Variants in PDE4D observed in about 807,000 individuals in gnomAD.
PDE4D encodes the protein phosphodiesterase 4D.
PDE4D carries 24 observed loss-of-function variants against 87.4 expected under a neutral mutation model. That is an observed-to-expected ratio of 0.27 (90% CI 0.20 to 0.39). The LOEUF is 0.39. Among genes scored for constraint, PDE4D ranks in the 10% least tolerant of loss-of-function variants. The probability of loss-of-function intolerance (pLI) is 1.00; values close to 1 mark genes in which losing one functional copy is unlikely to be tolerated. For synonymous variants in PDE4D, 384 were observed against 383.2 expected, an observed-to-expected ratio of 1.00 and a Z score of -0.02; for missense variants, 714 against 1,041.0, an observed-to-expected ratio of 0.69 and a Z score of 4.32.
At chr5:59,265,847 C>A (rs1183131749) in intron 1 of PDE4D, among the ~76,000 whole-genome samples, 1 of 151,914 alleles carries the variant, frequency 6.6e-6, no homozygotes, top group East Asian at 1.9e-4. Context: ...CAGCACAGTG[C>A]CTGGCACATA....
intron 1 of PDE4D, among the ~76,000 whole-genome samples, chr5:59,489,795 A>G (rs1805854555): frequency 6.6e-6 from 1 of 152,202 alleles, no homozygotes; most frequent in Admixed American, 6.5e-5. Context: ...GGGAGACTTG[A>G]CAATATCATG....
chr5:59,792,129 GAGT>G (rs1765864627), intron 1 of PDE4D, among the ~76,000 whole-genome samples: 1 of 152,140 alleles, frequency 6.6e-6, no homozygotes, highest in Non-Finnish European at 1.5e-5. Flanking sequence ...ATAAATCCAT[GAGT>G]AGTAAGGGTA....
intron 2 of PDE4D, among the ~76,000 whole-genome samples, chr5:60,048,879 A>C (rs909990271): frequency 6.6e-6 from 1 of 152,020 alleles, no homozygotes; most frequent in African/African-American, 2.4e-5. Flanking sequence ...TCTTTTTGGC[A>C]TTCTCTGTAT....
At chr5:58,999,164 A>T (rs995389334) in intron 6 of PDE4D, among the ~76,000 whole-genome samples, 1 of 152,174 alleles carries the variant, frequency 6.6e-6, no homozygotes, top group Non-Finnish European at 1.5e-5. Flanking sequence ...GGAATCCATA[A>T]ATCAGTATAA....
intron 1 of PDE4D, among the ~76,000 whole-genome samples, chr5:59,267,448 G>C (rs577037926): frequency 2.6e-4 from 40 of 152,116 alleles, no homozygotes; most frequent in Admixed American, 4.6e-4. Flanking sequence ...TACAACGGGA[G>C]CACTTTTCTC....
chr5:59,508,968 G>C (rs559314046), intron 1 of PDE4D, among the ~76,000 whole-genome samples: 1 of 151,912 alleles, frequency 6.6e-6, no homozygotes, highest in Non-Finnish European at 1.5e-5. Context: ...AGTCTTACTA[G>C]GGTTGGGATA....
intron 1 of PDE4D, among the ~76,000 whole-genome samples, chr5:60,193,436 C>A (rs933187666): frequency 6.6e-6 from 1 of 151,728 alleles, no homozygotes; most frequent in Non-Finnish European, 1.5e-5. Context: ...TTTGGGAGGC[C>A]GAGGCGGGTG....
intron 3 of PDE4D, among the ~76,000 whole-genome samples, chr5:59,902,682 C>G (rs145989436): frequency 2.6e-5 from 4 of 152,222 alleles, no homozygotes; most frequent in Non-Finnish European, 5.9e-5. Flanking sequence ...TGTAACCCCA[C>G]AGGGTAGGGA....
chr5:60,070,304 T>G (rs1772564301), intron 2 of PDE4D, among the ~76,000 whole-genome samples: 1 of 152,132 alleles, frequency 6.6e-6, no homozygotes, highest in Non-Finnish European at 1.5e-5. Flanking sequence ...CCATTGAGTA[T>G]GACGTTAGTG....
intron 1 of PDE4D, among the ~76,000 whole-genome samples, chr5:60,443,383 T>C (rs550175087): frequency 1.3e-5 from 2 of 152,280 alleles, no homozygotes; most frequent in South Asian, 2.1e-4. Flanking sequence ...GAGATTCTAA[T>C]GATGTCTGCA....
At chr5:59,887,456 G>A (rs1394990801) in intron 1 of PDE4D, among the ~76,000 whole-genome samples, 1 of 152,120 alleles carries the variant, frequency 6.6e-6, no homozygotes, top group Non-Finnish European at 1.5e-5. Context: ...CCTTAGCAAC[G>A]TTGCTGTTAT....
chr5:59,471,111 GGCAT>G, intron 1 of PDE4D, among the ~76,000 whole-genome samples: 1 of 152,192 alleles, frequency 6.6e-6, no homozygotes, highest in South Asian at 2.1e-4. Context: ...CAGGAATGGT[GGCAT>G]GCATCTGTGG....
chr5:59,755,041 T>C (rs1761027732), intron 1 of PDE4D, among the ~76,000 whole-genome samples: 1 of 152,120 alleles, frequency 6.6e-6, no homozygotes. Context: ...TTAGATGGTT[T>C]GAGGTTGTAC....
chr5:59,975,108 C>T (rs958224320), intron 3 of PDE4D, among the ~76,000 whole-genome samples: 1 of 152,178 alleles, frequency 6.6e-6, no homozygotes, highest in Non-Finnish European at 1.5e-5. Context: ...GACATCTATG[C>T]CAATCAACTC....
chr5:59,769,649 A>G (rs1198911783), intron 1 of PDE4D, among the ~76,000 whole-genome samples: 1 of 152,228 alleles, frequency 6.6e-6, no homozygotes, highest in East Asian at 1.9e-4. Context: ...AATCTCATTT[A>G]TGTGGACACT....
intron 5 of PDE4D, chr5:59,180,381 T>C (rs1419931773): frequency 4.3e-6 from 3 of 703,836 alleles, no homozygotes; most frequent in Middle Eastern, 2.3e-4. Context: ...TTAAAAATAA[T>C]GTACATCAGT....
intron 1 of PDE4D, among the ~76,000 whole-genome samples, chr5:59,551,840 C>G (rs1033310450): frequency 6.6e-6 from 1 of 151,838 alleles, no homozygotes; most frequent in East Asian, 1.9e-4. Context: ...ACAACAATAC[C>G]AAAAAAACCC....
intron 1 of PDE4D, among the ~76,000 whole-genome samples, chr5:59,476,684 C>T (rs949793612): frequency 5.9e-5 from 9 of 152,046 alleles, no homozygotes; most frequent in Non-Finnish European, 1.2e-4. Flanking sequence ...CTGCATTTAC[C>T]TTTAATATAG....
chr5:60,408,135 A>G (rs75534474), intron 1 of PDE4D, among the ~76,000 whole-genome samples: 4,201 of 152,234 alleles, frequency 0.028, 94 homozygotes, highest in Middle Eastern at 0.082. Flanking sequence ...CCATCCTGGC[A>G]TCCGGTCTCC....
Sources: allele counts gnomAD v4.1 joint callset (sites outside exome capture counted in the v4.1 genomes callset), GRCh38; gene constraint gnomAD v4.1.1; transcripts MANE v1.5; gene names NCBI Gene and HGNC (gene_info 2026-07-23, HGNC 2026-07-21).